Variants in SLC23A2 observed in about 807,000 individuals in gnomAD.
The protein encoded by SLC23A2 is solute carrier family 23 member 2, also known as Na(+)/L-ascorbic acid transporter 2.
A neutral mutation model predicts 73.3 loss-of-function variants in SLC23A2; 36 were observed. That is an observed-to-expected ratio of 0.49 (90% CI 0.38 to 0.65). The LOEUF is 0.65. Among genes scored for constraint, SLC23A2 ranks in the 30% least tolerant of loss-of-function variants. The probability of loss-of-function intolerance (pLI) is 0.00; values close to 1 mark genes in which losing one functional copy is unlikely to be tolerated. For synonymous variants in SLC23A2, 343 were observed against 327.3 expected (o/e 1.05, Z -0.52); for missense variants, 507 against 841.6 (o/e 0.60, Z 4.92).
At chr20:4,981,267 G>GT (rs1348552398) in intron 1 of SLC23A2, among the ~76,000 whole-genome samples, 2 of 152,168 alleles carry the variant, frequency 1.3e-5, no homozygotes, top group African/African-American at 2.4e-5. Flanking sequence ...GTCATATTAC[G>GT]TTAAAAGAAA....
At chr20:5,007,981 C>A (rs2088209220) in intron 1 of SLC23A2, among the ~76,000 whole-genome samples, 1 of 151,672 alleles carries the variant, frequency 6.6e-6, no homozygotes, top group South Asian at 2.1e-4. Flanking sequence ...ATGATCTTGG[C>A]TAACTACAAC....
At chr20:4,895,090 C>T (rs1461899579) in intron 6 of SLC23A2, among the ~76,000 whole-genome samples, 1 of 152,242 alleles carries the variant, frequency 6.6e-6, no homozygotes, top group Non-Finnish European at 1.5e-5. Context: ...ATGCAGGATA[C>T]AGAACCGAAA....
chr20:4,913,468 T>C (rs1465150597), intron 3 of SLC23A2, among the ~76,000 whole-genome samples: 1 of 152,176 alleles, frequency 6.6e-6, no homozygotes, highest in East Asian at 1.9e-4. Context: ...GCAAGAGCCA[T>C]AAAATATTTT....
chr20:4,869,405 TAAAA>T (rs199826860), intron 12 of SLC23A2, among the ~76,000 whole-genome samples: 7 of 118,796 alleles, frequency 5.9e-5, no homozygotes, highest in East Asian at 2.3e-4. Context: ...TCAGTTTGTG[TAAAA>T]AAAAAAAAAA....
chr20:4,863,030 G>T lies in SLC23A2; in HGVS notation c.1357-123C>A. On this transcript the variant is annotated intron_variant, in intron 13 of 16. Coordinates refer to ENST00000338244, the MANE Select transcript of SLC23A2 (RefSeq NM_005116.6). The surrounding 1 kb of genome is among the most constrained non-coding windows in gnomAD (Gnocchi z 4.8). ...GCTCGCTACCTTCACCTCCTCCTCA[G>T]CCCACTCTTCTCACCTCCACTGTGG... 2 of 922,392 alleles carry T rather than the reference G, an allele frequency of 2.2e-6. No individual in the cohort carries two copies. The highest frequency in any genetic ancestry group is 3.2e-6 in the Non-Finnish European group (2 of 619,720). The allele number at this position is 922,392 out of a possible 1,614,324, so 57.1% of individuals were successfully genotyped here.
At chr20:4,918,979 G>A (rs1486202480) in intron 3 of SLC23A2, among the ~76,000 whole-genome samples, 1 of 152,136 alleles carries the variant, frequency 6.6e-6, no homozygotes, top group African/African-American at 2.4e-5. Context: ...CAATTAAAAT[G>A]TGTTTTGAAT....
intron 2 of SLC23A2, among the ~76,000 whole-genome samples, chr20:4,966,999 T>C (rs895867164): frequency 6.6e-6 from 1 of 151,974 alleles, no homozygotes; most frequent in Non-Finnish European, 1.5e-5. Context: ...AGGAAGCAGA[T>C]ATAAAAGAGA....
intron 2 of SLC23A2, among the ~76,000 whole-genome samples, chr20:4,966,920 T>A (rs2087485565): frequency 1.5e-5 from 2 of 136,098 alleles, no homozygotes; most frequent in East Asian, 4.3e-4. Flanking sequence ...CACAGTCAGC[T>A]GGGCAGATTA....
chr20:4,982,907 A>G (rs531011890), intron 1 of SLC23A2, among the ~76,000 whole-genome samples: 1 of 151,866 alleles, frequency 6.6e-6, no homozygotes, highest in South Asian at 2.1e-4. Context: ...GGAATTCGAG[A>G]CCAATCTGAT....
chr20:4,976,257 C>T (rs2087643537), intron 1 of SLC23A2, among the ~76,000 whole-genome samples: 1 of 151,988 alleles, frequency 6.6e-6, no homozygotes, highest in Non-Finnish European at 1.5e-5. Context: ...GCATTTTCCC[C>T]AGAAAAAGCA....
Position 4,869,973 on chromosome 20 carries a change from T to C in SLC23A2, c.1183A>G (p.Ile395Val). The stretch of plus-strand genomic sequence containing the variant: ...CGTGCACAGGCGTAGTAGTCACCAA[T>C]AGACTCGATGATGCTGGCGACCACG... ...SAVVASIIES[I>V]GDYYACARLS... Residue 395 changes from isoleucine to valine, a missense_variant, in exon 12 of 17, where the codon ATT (isoleucine) becomes GTT (valine). Ile to Val is a conservative substitution (Grantham distance 29). This residue lies in a region of SLC23A2 where 217 missense variants were observed against 398.0 expected (regional missense o/e 0.55). Coordinates refer to ENST00000338244, the MANE Select transcript of SLC23A2 (RefSeq NM_005116.6). 3.1e-6 allele frequency: 5 copies of C among 1,613,080 alleles called. No individual in the cohort carries two copies. Among genetic ancestry groups the C allele is most frequent in the Non-Finnish European group, 4.2e-6 (5 of 1,179,478 alleles).
Position 4,878,005 on chromosome 20 carries a change from T to C in SLC23A2, c.825-3309A>G, listed in dbSNP as rs553510053. ...TGTAGATAATACACATTTTAATAAA[T>C]TGGGAGGATAAACCTTTTTCACACT... On this transcript the variant is annotated intron_variant, in intron 9 of 16. Coordinates refer to ENST00000338244, the MANE Select transcript of SLC23A2 (RefSeq NM_005116.6). Among the ~76,000 whole-genome samples, 191 of 152,302 alleles carry C rather than the reference T, an allele frequency of 1.3e-3. 2 individuals are homozygous for C. Among genetic ancestry groups the C allele is most frequent in the African/African-American group, 4.3e-3 (177 of 41,562 alleles).
chr20:4,951,110 T>C (rs141643840), intron 2 of SLC23A2, among the ~76,000 whole-genome samples: 1 of 152,150 alleles, frequency 6.6e-6, no homozygotes, highest in Non-Finnish European at 1.5e-5. Context: ...GGACATGCTG[T>C]GAAGACTCTA....
intron 4 of SLC23A2, among the ~76,000 whole-genome samples, chr20:4,907,059 C>G (rs1931983140): frequency 6.6e-6 from 1 of 152,180 alleles, no homozygotes; most frequent in Non-Finnish European, 1.5e-5. Flanking sequence ...CTACTGCTAT[C>G]CTCCTCCTTC....
chr20:4,961,189 C>G (rs1018095593), intron 2 of SLC23A2, among the ~76,000 whole-genome samples: 29 of 150,684 alleles, frequency 1.9e-4, no homozygotes, highest in East Asian at 1.6e-3. Flanking sequence ...CTCACTGCAA[C>G]CTGCACCTCC....
intron 3 of SLC23A2, among the ~76,000 whole-genome samples, chr20:4,919,706 C>T (rs1932440801): frequency 6.6e-6 from 1 of 152,156 alleles, no homozygotes; most frequent in Non-Finnish European, 1.5e-5. Flanking sequence ...ATCCTGTCCC[C>T]AGATGGATTC....
At chr20:4,921,856 T>C (rs899385977) in intron 3 of SLC23A2, among the ~76,000 whole-genome samples, 2 of 152,190 alleles carry the variant, frequency 1.3e-5, no homozygotes, top group African/African-American at 4.8e-5. Context: ...ATCAGCATTC[T>C]TGCTTCTTCC....
Position 4,856,864 on chromosome 20 carries a change from C to A in SLC23A2, c.*108G>T. ...TTCGCAGTCTGTCTTAGCTCTGGGG[C>A]GCAGAATGTAAATGTAGATATACAA... On this transcript the variant is annotated 3_prime_UTR_variant, in exon 17 of 17. Coordinates refer to ENST00000338244, the MANE Select transcript of SLC23A2 (RefSeq NM_005116.6). This position sits in a 1 kb window ranked among gnomAD's most constrained non-coding sequence, Gnocchi z 4.6. 1 of 730,766 alleles carries A rather than the reference C, an allele frequency of 1.4e-6. No individual in the cohort carries two copies. Among genetic ancestry groups the A allele is most frequent in the Non-Finnish European group, 2.3e-6 (1 of 426,766 alleles). The allele number at this position is 730,766 out of a possible 1,614,324, so 45.3% of individuals were successfully genotyped here.
chr20:4,970,098 G>T (rs2087538463), intron 2 of SLC23A2, among the ~76,000 whole-genome samples: 1 of 152,050 alleles, frequency 6.6e-6, no homozygotes, highest in Non-Finnish European at 1.5e-5. Context: ...TCCACTCCAG[G>T]TTCCTCACGT....
Sources: allele counts gnomAD v4.1 joint callset (sites outside exome capture counted in the v4.1 genomes callset), GRCh38; gene constraint gnomAD v4.1.1; regional missense constraint gnomAD v4.1.1; non-coding constraint Gnocchi (gnomAD v3.1); transcripts MANE v1.5; gene names NCBI Gene and HGNC (gene_info 2026-07-23, HGNC 2026-07-21).